ZCCHC17: variants seen among roughly 807,000 people sequenced by gnomAD.
ZCCHC17 encodes zinc finger CCHC-type containing 17, also known as zinc finger CCHC domain-containing protein 17.
In ZCCHC17, 18 loss-of-function variants were observed where a neutral mutation model predicts 30.6. The ratio of observed to expected loss-of-function variants is 0.59; its 90% CI spans 0.41 to 0.87. The LOEUF (loss-of-function observed/expected upper bound fraction) is 0.87, where lower values mean the gene tolerates loss of function less well. Among genes scored for constraint, ZCCHC17 ranks in the 40% least tolerant of loss-of-function variants. The pLI is 0.00. For synonymous variants in ZCCHC17, 88 were observed against 92.4 expected (o/e 0.95, Z 0.27); for missense variants, 263 against 284.2 (o/e 0.93, Z 0.54).
At chr1:31,304,670 A>G (rs2148406888) in intron 1 of ZCCHC17, among the ~76,000 whole-genome samples, 1 of 145,970 alleles carries the variant, frequency 6.9e-6, no homozygotes, top group South Asian at 2.2e-4. Flanking sequence ...ATCTTGGTTC[A>G]CTGCAAGCTC....
chr1:31,304,986 G>A (rs1369382835), intron 1 of ZCCHC17, among the ~76,000 whole-genome samples: 1 of 152,130 alleles, frequency 6.6e-6, no homozygotes, highest in Admixed American at 6.5e-5. Flanking sequence ...AGCAGAATAC[G>A]TTGTTACAGT....
chr1:31,314,459 G>C (rs1236825412), intron 2 of ZCCHC17, among the ~76,000 whole-genome samples: 1 of 150,388 alleles, frequency 6.6e-6, no homozygotes, highest in Non-Finnish European at 1.5e-5. Context: ...AAAAAAAAAG[G>C]TGTAAGCCTA....
intron 5 of ZCCHC17, 88 bp downstream of exon 5, chr1:31,339,136 C>A: frequency 1.1e-6 from 1 of 882,364 alleles, no homozygotes; most frequent in Non-Finnish European, 1.7e-6. Flanking sequence ...GGTAACTCTA[C>A]CATTTATGGA....
At position 31,301,998 on chromosome 1, in the gene ZCCHC17, C is replaced by T. The variant is rs867133107; in HGVS notation, c.-56+4923C>T. On this transcript the variant is annotated intron_variant, in intron 1 of 7. Coordinates refer to ENST00000344147, the MANE Select transcript of ZCCHC17 (RefSeq NM_016505.4). ...ATCCTAACACTTTGGGAGGCCGAGG[C>T]GAGCAGATCACTTGAGGTCAGGAGT... 1.1e-4 allele frequency among the ~76,000 whole-genome samples: 16 copies of T among 152,090 alleles called. 1 individual carries two copies. The highest frequency in any genetic ancestry group is 3.6e-4 in the African/African-American group (15 of 41,388).
intron 3 of ZCCHC17, among the ~76,000 whole-genome samples, chr1:31,325,760 A>G (rs897223134): frequency 1.5e-4 from 23 of 152,266 alleles, no homozygotes; most frequent in African/African-American, 5.3e-4. Context: ...TGCCAGGCCA[A>G]GTGGGCAGAA....
At chr1:31,319,315 C>A in intron 3 of ZCCHC17, 149 bp downstream of exon 3, 1 of 632,318 alleles carries the variant, frequency 1.6e-6, no homozygotes, top group Non-Finnish European at 2.6e-6. Context: ...TACAAGATGA[C>A]AGTTCATTTT....
chr1:31,318,152 C>G (rs760504165), intron 2 of ZCCHC17: 1 of 1,530,060 alleles, frequency 6.5e-7, no homozygotes, highest in South Asian at 1.2e-5. Flanking sequence ...GTTTTATTTA[C>G]TCCCCTTGTT....
intron 7 of ZCCHC17, among the ~76,000 whole-genome samples, chr1:31,352,735 C>T (rs1403425585): frequency 6.6e-6 from 1 of 152,186 alleles, no homozygotes; most frequent in Non-Finnish European, 1.5e-5. Flanking sequence ...GCATGAGCCA[C>T]CACATCGAGC....
intron 5 of ZCCHC17, among the ~76,000 whole-genome samples, chr1:31,342,921 T>C (rs1639099452): frequency 6.6e-6 from 1 of 152,044 alleles, no homozygotes; most frequent in South Asian, 2.1e-4. Context: ...AGAAATGGTT[T>C]GAGGAAAGGA....
intron 5 of ZCCHC17, 99 bp from the exon 6 acceptor site, chr1:31,346,541 T>TC (rs1423590430): frequency 7.2e-7 from 1 of 1,397,550 alleles, no homozygotes; most frequent in Non-Finnish European, 9.5e-7. Context: ...TTCTCCCCTT[T>TC]CCCTGCCAAA....
intron 1 of ZCCHC17, among the ~76,000 whole-genome samples, chr1:31,302,866 C>T (rs1274782986): frequency 4.6e-5 from 7 of 152,192 alleles, no homozygotes; most frequent in African/African-American, 1.7e-4. Flanking sequence ...ATCCAGTCAC[C>T]TCCCACTAGG....
chr1:31,347,933 A>G (rs1639333671), intron 6 of ZCCHC17, among the ~76,000 whole-genome samples: 1 of 152,166 alleles, frequency 6.6e-6, no homozygotes. Context: ...ATTATCTCAT[A>G]CAATTCCTCT....
chr1:31,352,202 A>G (rs1032199680), intron 7 of ZCCHC17, among the ~76,000 whole-genome samples: 1 of 152,218 alleles, frequency 6.6e-6, no homozygotes, highest in Non-Finnish European at 1.5e-5. Context: ...AAAATTTACC[A>G]TTATAGAAGT....
At chr1:31,337,051 AC>A in intron 3 of ZCCHC17, 123 bp from the exon 4 acceptor site, 1 of 799,840 alleles carries the variant, frequency 1.3e-6, no homozygotes, top group Admixed American at 2.9e-5. Context: ...TTTAAGTTTC[AC>A]GCTTTTCAGT....
rs925623320 is a variant in ZCCHC17, at chr1:31,325,328, G to T, written c.124+6162G>T. 1.8e-4 allele frequency among the ~76,000 whole-genome samples: 27 copies of T among 152,240 alleles called. 1 individual carries two copies. In the East Asian group the frequency reaches 1.9e-3, roughly 11 times the overall value. On this transcript the variant is annotated intron_variant, in intron 3 of 7. Coordinates refer to ENST00000344147, the MANE Select transcript of ZCCHC17 (RefSeq NM_016505.4). ...CTTCCTGGATGCAAGACAAGAACTT[G>T]GGACCCGTTGAATGGCGGGACTGAA...
At chr1:31,325,269 C>T (rs1638291429) in intron 3 of ZCCHC17, among the ~76,000 whole-genome samples, 1 of 152,222 alleles carries the variant, frequency 6.6e-6, no homozygotes, top group South Asian at 2.1e-4. Context: ...AACTCTTTGC[C>T]TTGCTTACCC....
intron 7 of ZCCHC17, among the ~76,000 whole-genome samples, chr1:31,355,592 A>G (rs1004825538): frequency 6.6e-6 from 1 of 152,194 alleles, no homozygotes; most frequent in Admixed American, 6.5e-5. Context: ...ATTACTAACA[A>G]TATTCTTTTC....
intron 5 of ZCCHC17, among the ~76,000 whole-genome samples, chr1:31,343,688 A>AT (rs10718784): frequency 7.6e-6 from 1 of 132,014 alleles, no homozygotes; most frequent in African/African-American, 2.8e-5. Flanking sequence ...GTAGTATATA[A>AT]TTTTTTTTTT....
Position 31,339,055 on chromosome 1 carries a change from A to G in ZCCHC17, c.317+7A>G, listed in dbSNP as rs757211241. ...CCAACAATGTTATCATTGAGTAAGT[A>G]AAAGGTTTGGAAAGGTGAAAATTCT... On this transcript the variant is annotated splice_region_variant and intron_variant, in intron 5 of 7. Transcript: ENST00000344147. 1 of 1,595,108 alleles carries G rather than the reference A, an allele frequency of 6.3e-7. No homozygotes were observed. Among genetic ancestry groups the G allele is most frequent in the South Asian group, 1.1e-5 (1 of 87,104 alleles).
Sources: allele counts gnomAD v4.1 joint callset (sites outside exome capture counted in the v4.1 genomes callset), GRCh38; gene constraint gnomAD v4.1.1; transcripts MANE v1.5; gene names NCBI Gene and HGNC (gene_info 2026-07-23, HGNC 2026-07-21).